PURA: variants seen among roughly 807,000 people sequenced by gnomAD.
PURA encodes the protein purine rich element binding protein A, also known as transcriptional activator protein Pur-alpha.
Under a neutral mutation model 23.1 loss-of-function variants are expected in PURA, and 2 were observed. The observed-to-expected ratio is 0.09, with a 90% CI of 0.04 to 0.27. PURA has a LOEUF of 0.27. Ranked by LOEUF, PURA falls within the 10% of genes least tolerant of loss-of-function variation. The probability of loss-of-function intolerance (pLI) is 1.00; values close to 1 mark genes in which losing one functional copy is unlikely to be tolerated. For missense variants in PURA, 187 were observed against 449.7 expected (o/e 0.42, Z 5.28); for synonymous variants, 254 against 205.9 (o/e 1.23, Z -2.00).
Position 140,124,634 on chromosome 5 carries a change from GA to G in PURA, c.*9487del, listed in dbSNP as rs913848774. ...TTGTCTAAATATGGACCAATTTTGG[GA>G]AATGAAGATTAATAAGTGTATATTT... On this transcript the variant is annotated 3_prime_UTR_variant, in exon 1 of 1. Coordinates refer to ENST00000331327, the MANE Select transcript of PURA (RefSeq NM_005859.5). The G allele has an allele frequency of 3.6e-5, 6 of 166,824 alleles. No homozygotes were observed. Among genetic ancestry groups the G allele is most frequent in the African/African-American group, 1.4e-4 (6 of 41,400 alleles). The allele number at this position is 166,824 out of a possible 1,614,324, so 10.3% of individuals were successfully genotyped here.
chr5:140,115,099 C>T lies in PURA; in HGVS notation c.918C>T (p.Thr306=), dbSNP rs887978824. The T allele has an allele frequency of 1.2e-5, 19 of 1,609,132 alleles. No individual in the cohort carries two copies. Among genetic ancestry groups the T allele is most frequent in the Admixed American group, 6.8e-5 (4 of 59,188 alleles). The change falls in exon 1 of 1, where the codon ACC becomes ACT. Residue 306 remains threonine (T), a synonymous_variant. Transcript: ENST00000331327. This position sits in a 1 kb window ranked among gnomAD's most constrained non-coding sequence, Gnocchi z 4.1. ...AGCAACAGCAGCAGCAGGAGGAGAC[C>T]GCCGCTGCCACCCTGCTACTGCAGG... ...HQQQQQQQEE[T]AAATLLLQGE...
chr5:140,114,286 T>TGGC lies in PURA; in HGVS notation c.111_113dup (p.Gly42dup), dbSNP rs1324631618. 1.7e-6 allele frequency: 2 copies of TGGC among 1,203,334 alleles called. No homozygotes were observed. Among genetic ancestry groups the TGGC allele is most frequent in the Non-Finnish European group, 2.0e-6 (2 of 984,680 alleles). The allele number at this position is 1,203,334 out of a possible 1,614,324, so 74.5% of individuals were successfully genotyped here. On this transcript the variant is annotated inframe_insertion, in exon 1 of 1. Transcript: ENST00000331327. ...GCTCAGGCTCCGGCGGGGGCGGTGG[T>TGGC]GGCGGCGGGGGCGGCGGCGGCAGTG...
rs1358386492 is a variant in PURA, at chr5:140,120,843, T to C, written c.*5693T>C. ...AACATTTTTCTTAACAAGAATGTCA[T>C]AACTACTCATTCATTTTTATTTTGT... On this transcript the variant is annotated 3_prime_UTR_variant, in exon 1 of 1. Coordinates refer to ENST00000331327, the MANE Select transcript of PURA (RefSeq NM_005859.5). 1 of 166,780 alleles carries C rather than the reference T, an allele frequency of 6.0e-6. No individual in the cohort carries two copies. The highest frequency in any genetic ancestry group is 2.4e-5 in the African/African-American group (1 of 41,448). 10.3% of individuals were successfully genotyped at this position (166,780 alleles called of 1,614,324 possible).
Position 140,115,045 on chromosome 5 carries a change from G to A in PURA, c.864G>A (p.Lys288=), listed in dbSNP as rs1223673433. ...AGATTCAAGAGAAGCAGAGGGAGAA[G>A]CGGGCTGCCTGTGAGCAGCTTCACC... ...MKKIQEKQRE[K]RAACEQLHQQ... The change falls in exon 1 of 1, where the codon AAG becomes AAA. Residue 288 remains lysine (K), a synonymous_variant. Coordinates refer to ENST00000331327, the MANE Select transcript of PURA (RefSeq NM_005859.5). This position sits in a 1 kb window ranked among gnomAD's most constrained non-coding sequence, Gnocchi z 4.1. 2 of 1,614,062 alleles carry A rather than the reference G, an allele frequency of 1.2e-6. No individual in the cohort carries two copies. The highest frequency in any genetic ancestry group is 2.2e-5 in the East Asian group (1 of 44,876).
In PURA at chr5:140,117,986, C is replaced by T. The variant is rs865957785; in HGVS notation, c.*2836C>T. 1 of 166,984 alleles carries T rather than the reference C, an allele frequency of 6.0e-6. No homozygotes were observed. Among genetic ancestry groups the T allele is most frequent in the Non-Finnish European group, 1.5e-5 (1 of 68,074 alleles). 10.3% of individuals were successfully genotyped at this position (166,984 alleles called of 1,614,324 possible). On this transcript the variant is annotated 3_prime_UTR_variant, in exon 1 of 1. Coordinates refer to ENST00000331327, the MANE Select transcript of PURA (RefSeq NM_005859.5). ...TTCCCTCTTCTGTTGCATCCTTTCCCTACCCTTCCCTCCCAGGTGCTCGGT... is the reference window on the plus strand; with the variant it reads ...TTCCCTCTTCTGTTGCATCCTTTCCTTACCCTTCCCTCCCAGGTGCTCGGT...
rs549078253 is a variant in PURA, at chr5:140,125,128, C to T, written c.*9978C>T. On this transcript the variant is annotated 3_prime_UTR_variant, in exon 1 of 1. Coordinates refer to ENST00000331327, the MANE Select transcript of PURA (RefSeq NM_005859.5). ...ATCTGATGACAGTGTGATGGATCCT[C>T]TACCCAAGAAAAAAAAAATGCCCAT... 2.4e-5 allele frequency: 4 copies of T among 166,882 alleles called. No homozygotes were observed. The highest frequency in any genetic ancestry group is 2.4e-5 in the African/African-American group (1 of 41,458). 10.3% of individuals were successfully genotyped at this position (166,882 alleles called of 1,614,324 possible).
Position 140,118,505 on chromosome 5 carries a change from C to T in PURA, c.*3355C>T, listed in dbSNP as rs1763114887. 6.0e-6 allele frequency: 1 copy of T among 166,898 alleles called. No homozygotes were observed. Among genetic ancestry groups the T allele is most frequent in the African/African-American group, 2.4e-5 (1 of 41,394 alleles). 10.3% of individuals were successfully genotyped at this position (166,898 alleles called of 1,614,324 possible). A position where few individuals can be genotyped will look rare whatever the true frequency, so the allele number is the denominator to read the frequency against. Reference sequence around the variant, plus strand: ...GTTAGAAGCAGCAGTCATCCAGCCACAGAGGGAGCTAAAGTTAACTAACCA... The same window carrying T: ...GTTAGAAGCAGCAGTCATCCAGCCATAGAGGGAGCTAAAGTTAACTAACCA... On this transcript the variant is annotated 3_prime_UTR_variant, in exon 1 of 1. Coordinates refer to ENST00000331327, the MANE Select transcript of PURA (RefSeq NM_005859.5).
rs921630891 is a variant in PURA at position 140,121,353 on chromosome 5, A to G, written c.*6203A>G. On this transcript the variant is annotated 3_prime_UTR_variant, in exon 1 of 1. Transcript: ENST00000331327. ...AAGTTATGGGACAGGTGAATTACCTATTCATCTTGACTAGCTCAAACAATG... is the reference window on the plus strand; with the variant it reads ...AAGTTATGGGACAGGTGAATTACCTGTTCATCTTGACTAGCTCAAACAATG... 8.4e-5 allele frequency: 14 copies of G among 167,032 alleles called. No individual in the cohort carries two copies. Among genetic ancestry groups the G allele is most frequent in the African/African-American group, 2.6e-4 (11 of 41,562 alleles). 10.3% of individuals were successfully genotyped at this position (167,032 alleles called of 1,614,324 possible).
chr5:140,117,409 T>G lies in PURA; in HGVS notation c.*2259T>G, dbSNP rs2126750688. The G allele has an allele frequency of 6.0e-6, 1 of 167,014 alleles. No homozygotes were observed. Among genetic ancestry groups the G allele is most frequent in the Middle Eastern group, 3.4e-3 (1 of 296 alleles). 10.3% of individuals were successfully genotyped at this position (167,014 alleles called of 1,614,324 possible). On this transcript the variant is annotated 3_prime_UTR_variant, in exon 1 of 1. Coordinates refer to ENST00000331327, the MANE Select transcript of PURA (RefSeq NM_005859.5). ...GTTGAGCTGTTTTGTTCACTGTACT[T>G]TAACTGTGATATGGAAAAGACTGCA... is the stretch of plus-strand genomic sequence containing the variant.
In PURA at chr5:140,119,269, C is replaced by T. The variant is rs1312528458; in HGVS notation, c.*4119C>T. On this transcript the variant is annotated 3_prime_UTR_variant, in exon 1 of 1. Coordinates refer to ENST00000331327, the MANE Select transcript of PURA (RefSeq NM_005859.5). ...AAGGATTTTTATAATTGTTTTTCATCAAATTTTAATATTTTTGTCAAATTT... is the reference window on the plus strand; with the variant it reads ...AAGGATTTTTATAATTGTTTTTCATTAAATTTTAATATTTTTGTCAAATTT... 3 of 166,740 alleles carry T rather than the reference C, an allele frequency of 1.8e-5. No individual in the cohort carries two copies. The highest frequency in any genetic ancestry group is 7.2e-5 in the African/African-American group (3 of 41,398). 10.3% of individuals were successfully genotyped at this position (166,740 alleles called of 1,614,324 possible).
In PURA at chr5:140,115,257, AAG is replaced by A. The variant is rs1225781507; in HGVS notation, c.*108_*109del. The A allele has an allele frequency of 1.3e-6, 1 of 788,624 alleles. No homozygotes were observed. The highest frequency in any genetic ancestry group is 3.2e-5 in the East Asian group (1 of 31,092). The allele number at this position is 788,624 out of a possible 1,614,324, so 48.9% of individuals were successfully genotyped here. ...GAAAGAGAGAAAATAAAAAGTTAAAAAGTTAAAAAAAAAAAAAAACCTGTTAA... is the reference window on the plus strand; with the variant it reads ...GAAAGAGAGAAAATAAAAAGTTAAAATTAAAAAAAAAAAAAAACCTGTTAA... On this transcript the variant is annotated 3_prime_UTR_variant, in exon 1 of 1. Transcript: ENST00000331327. The surrounding 1 kb of genome is among the most constrained non-coding windows in gnomAD (Gnocchi z 4.1).
In PURA at chr5:140,114,729, C is replaced by G; in HGVS notation, c.548C>G (p.Thr183Arg). The G allele has an allele frequency of 6.2e-7, 1 of 1,612,906 alleles. No individual in the cohort carries two copies. Among genetic ancestry groups the G allele is most frequent in the Non-Finnish European group, 8.5e-7 (1 of 1,179,648 alleles). Residue 183 changes from threonine (T) to arginine (R), a missense_variant, in exon 1 of 1, where the codon ACG becomes AGG. This residue lies in a region of PURA where 11 missense variants were observed against 26.4 expected (regional missense o/e 0.42). Transcript: ENST00000331327. ...AACCGGGGGCCTGGCCTGGGCTCCACGCAGGGCCAGACCATTGCGCTGCCC... is the reference window on the plus strand; with the variant it reads ...AACCGGGGGCCTGGCCTGGGCTCCAGGCAGGGCCAGACCATTGCGCTGCCC... ...TVNRGPGLGS[T>R]QGQTIALPAQ...
Position 140,124,066 on chromosome 5 carries a change from A to T in PURA, c.*8916A>T, listed in dbSNP as rs1763179838. 6.0e-6 allele frequency: 1 copy of T among 166,968 alleles called. No individual in the cohort carries two copies. Among genetic ancestry groups the T allele is most frequent in the Admixed American group, 6.6e-5 (1 of 15,258 alleles). 10.3% of individuals were successfully genotyped at this position (166,968 alleles called of 1,614,324 possible). A position where few individuals can be genotyped will look rare whatever the true frequency, so the allele number is the denominator to read the frequency against. Reference sequence around the variant, plus strand: ...CAGATGCGGTCTTATGACCTCAAAGATGTGCTCTAGAAAGAAAATAACAAA... The same window carrying T: ...CAGATGCGGTCTTATGACCTCAAAGTTGTGCTCTAGAAAGAAAATAACAAA... On this transcript the variant is annotated 3_prime_UTR_variant, in exon 1 of 1. Coordinates refer to ENST00000331327, the MANE Select transcript of PURA (RefSeq NM_005859.5).
chr5:140,115,191 AC>A lies in PURA; in HGVS notation c.*42del. The A allele has an allele frequency of 9.0e-7, 1 of 1,117,036 alleles. No individual in the cohort carries two copies. The highest frequency in any genetic ancestry group is 1.3e-6 in the Non-Finnish European group (1 of 793,634). 69.2% of individuals were successfully genotyped at this position (1,117,036 alleles called of 1,614,324 possible). A position where few individuals can be genotyped will look rare whatever the true frequency, so the allele number is the denominator to read the frequency against. ...CCCCCACACACACACACATGCATAC[AC>A]ACACACACACAGCCACACACACAGA... On this transcript the variant is annotated 3_prime_UTR_variant, in exon 1 of 1. Transcript: ENST00000331327. The surrounding 1 kb of genome is among the most constrained non-coding windows in gnomAD (Gnocchi z 4.1).
At position 140,118,016 on chromosome 5, in the gene PURA, T is replaced by C. The variant is rs1257570683; in HGVS notation, c.*2866T>C. On this transcript the variant is annotated 3_prime_UTR_variant, in exon 1 of 1. Coordinates refer to ENST00000331327, the MANE Select transcript of PURA (RefSeq NM_005859.5). ...CTTCCCTCCCAGGTGCTCGGTACTTTACCTAGTTTCTATATATCAGTGTTT... is the reference window on the plus strand; with the variant it reads ...CTTCCCTCCCAGGTGCTCGGTACTTCACCTAGTTTCTATATATCAGTGTTT... 1.2e-5 allele frequency: 2 copies of C among 166,998 alleles called. No individual in the cohort carries two copies. Among genetic ancestry groups the C allele is most frequent in the Non-Finnish European group, 2.9e-5 (2 of 68,082 alleles). The allele number at this position is 166,998 out of a possible 1,614,324, so 10.3% of individuals were successfully genotyped here. A position where few individuals can be genotyped will look rare whatever the true frequency, so the allele number is the denominator to read the frequency against.
rs949520387 is a variant in PURA at position 140,116,114 on chromosome 5, A to G, written c.*964A>G. 1.4e-4 allele frequency: 24 copies of G among 167,112 alleles called. No individual in the cohort carries two copies. The highest frequency in any genetic ancestry group is 4.4e-5 in the Non-Finnish European group (3 of 68,120). The allele number at this position is 167,112 out of a possible 1,614,324, so 10.4% of individuals were successfully genotyped here. On this transcript the variant is annotated 3_prime_UTR_variant, in exon 1 of 1. Transcript: ENST00000331327. ...AGTAGGCGTTTTGTCATTATTGTGT[A>G]TATGAGATGTACTTGTATCGTTCAT...
At position 140,124,358 on chromosome 5, in the gene PURA, G is replaced by C. The variant is rs111354194; in HGVS notation, c.*9208G>C. ...AATGCCTGAGTGTGTTTCCAGATTG[G>C]GGGGGGAGAGGTGGTGTTTTACTTT... On this transcript the variant is annotated 3_prime_UTR_variant, in exon 1 of 1. Coordinates refer to ENST00000331327, the MANE Select transcript of PURA (RefSeq NM_005859.5). 1.4e-4 allele frequency: 23 copies of C among 166,896 alleles called. No individual in the cohort carries two copies. Among genetic ancestry groups the C allele is most frequent in the East Asian group, 1.9e-4 (1 of 5,182 alleles). The allele number at this position is 166,896 out of a possible 1,614,324, so 10.3% of individuals were successfully genotyped here. A position where few individuals can be genotyped will look rare whatever the true frequency, so the allele number is the denominator to read the frequency against.
In PURA at chr5:140,119,194, A is replaced by G. The variant is rs888414024; in HGVS notation, c.*4044A>G. 2 of 166,936 alleles carry G rather than the reference A, an allele frequency of 1.2e-5. No individual in the cohort carries two copies. Among genetic ancestry groups the G allele is most frequent in the African/African-American group, 4.8e-5 (2 of 41,452 alleles). The allele number at this position is 166,936 out of a possible 1,614,324, so 10.3% of individuals were successfully genotyped here. Reference sequence around the variant, plus strand: ...TCTAAAAATGGTGAATATTATTAATATTGTATAATAGGAGTGGGAAGACTG... The same window carrying G: ...TCTAAAAATGGTGAATATTATTAATGTTGTATAATAGGAGTGGGAAGACTG... On this transcript the variant is annotated 3_prime_UTR_variant, in exon 1 of 1. Transcript: ENST00000331327.
rs1763147825 is a variant in PURA, at chr5:140,121,059, CATT to C, written c.*5910_*5912del. On this transcript the variant is annotated 3_prime_UTR_variant, in exon 1 of 1. Transcript: ENST00000331327. ...ATTTTCATGTTTTCATAAATACACA[CATT>C]GTTTTGATAATTATTAGCAATTAGC... 2 of 166,816 alleles carry C rather than the reference CATT, an allele frequency of 1.2e-5. No individual in the cohort carries two copies. Among genetic ancestry groups the C allele is most frequent in the African/African-American group, 4.8e-5 (2 of 41,418 alleles). 10.3% of individuals were successfully genotyped at this position (166,816 alleles called of 1,614,324 possible).
Sources: gnomAD v4.1 joint callset for allele counts on GRCh38, gnomAD v4.1.1 for gene constraint, gnomAD v4.1.1 regional missense constraint, Gnocchi (gnomAD v3.1) non-coding constraint, MANE v1.5 for transcripts, NCBI Gene and HGNC (gene_info 2026-07-23, HGNC 2026-07-21) for gene names.